ZRANB3: variants seen among roughly 807,000 people sequenced by gnomAD.
The protein encoded by ZRANB3 is DNA annealing helicase and endonuclease ZRANB3.
Under a neutral mutation model 133.8 loss-of-function variants are expected in ZRANB3, and 125 were observed. The ratio of observed to expected loss-of-function variants is 0.93; its 90% CI spans 0.81 to 1.08. The LOEUF is 1.08. Ranked by LOEUF, ZRANB3 falls within the 50% of genes least tolerant of loss-of-function variation. ZRANB3 has a pLI of 0.00. For synonymous variants in ZRANB3, 387 were observed against 432.7 expected, an observed-to-expected ratio of 0.89 and a Z score of 1.31; for missense variants, 1,229 against 1,275.5, an observed-to-expected ratio of 0.96 and a Z score of 0.56.
At chr2:135,287,670 C>CTTTTTTTTTTTTTTTTT (rs59739293) in intron 8 of ZRANB3, among the ~76,000 whole-genome samples, 1 of 98,054 alleles carries the variant, frequency 1.0e-5, no homozygotes, top group African/African-American at 4.4e-5. Context: ...TATTTCTTTC[C>CTTTTTTTTTTTTTTTTT]TTTTTTTTTT....
intron 8 of ZRANB3, among the ~76,000 whole-genome samples, chr2:135,305,622 T>C (rs1682643484): frequency 6.6e-6 from 1 of 152,196 alleles, no homozygotes; most frequent in African/African-American, 2.4e-5. Context: ...CTTTCTGTAG[T>C]AGTAACATTT....
rs147710097 is a variant in ZRANB3 at position 135,500,557 on chromosome 2, A to G, written c.161+3772T>C. 1.3e-4 allele frequency among the ~76,000 whole-genome samples: 20 copies of G among 152,246 alleles called. No homozygotes were observed. In the East Asian group the frequency reaches 3.1e-3, roughly 23 times the overall value. On this transcript the variant is annotated intron_variant, in intron 2 of 20. Transcript: ENST00000264159. ...ATAATATAGTTGAACAGGCAAAAGC[A>G]ATCTATAACGTTAGAAGTCAGGATA...
intron 6 of ZRANB3, among the ~76,000 whole-genome samples, chr2:135,328,009 G>C (rs1309207345): frequency 6.6e-6 from 1 of 151,870 alleles, no homozygotes; most frequent in Non-Finnish European, 1.5e-5. Context: ...TGTCTAGAGG[G>C]AAAGTTACGA....
Position 135,414,909 on chromosome 2 carries a change from G to C in ZRANB3, c.162-24089C>G, listed in dbSNP as rs1367642882. 2.6e-5 allele frequency among the ~76,000 whole-genome samples: 4 copies of C among 151,900 alleles called. No homozygotes were observed. The East Asian group carries it at 5.8e-4, about 22-fold the overall frequency. The stretch of plus-strand genomic sequence containing the variant: ...TAAAGATGTTCTTTGAAACCAACGG[G>C]AACAAAGACACAACATACCAGAATC... On this transcript the variant is annotated intron_variant, in intron 2 of 20. Coordinates refer to ENST00000264159, the MANE Select transcript of ZRANB3 (RefSeq NM_032143.4).
At chr2:135,284,692 C>G (rs1014349986) in intron 8 of ZRANB3, among the ~76,000 whole-genome samples, 1 of 152,012 alleles carries the variant, frequency 6.6e-6, no homozygotes, top group African/African-American at 2.4e-5. Context: ...AGGATAGTCT[C>G]GATCTCTTGA....
chr2:135,329,512 T>C (rs1004888296), intron 6 of ZRANB3, among the ~76,000 whole-genome samples: 36 of 152,230 alleles, frequency 2.4e-4, no homozygotes, highest in African/African-American at 8.2e-4. Flanking sequence ...AGCTTTGTTC[T>C]TTTTGCTTAG....
At chr2:135,266,637 CG>C (rs1477909525) in intron 11 of ZRANB3, among the ~76,000 whole-genome samples, 6 of 151,990 alleles carry the variant, frequency 3.9e-5, no homozygotes, top group Non-Finnish European at 8.8e-5. Flanking sequence ...TGGTGGCGGG[CG>C]CCTGTAGTCC....
chr2:135,262,283 C>T (rs922956892), intron 12 of ZRANB3, among the ~76,000 whole-genome samples: 4 of 150,868 alleles, frequency 2.7e-5, no homozygotes, highest in African/African-American at 9.8e-5. Context: ...AAAAATTGTA[C>T]TAGACCTCCA....
chr2:135,314,915 A>G (rs1304224390), intron 7 of ZRANB3, among the ~76,000 whole-genome samples: 5 of 151,652 alleles, frequency 3.3e-5, no homozygotes, highest in Admixed American at 1.3e-4. Flanking sequence ...ACACTCAACT[A>G]ATTTTTGTAT....
Position 135,345,547 on chromosome 2 carries a change from T to G in ZRANB3, c.677+3A>C. ...AAAATTTACGGAAAATAGTTTAACT[T>G]ACCTGATGTGTGCATTACAGTATCT... On this transcript the variant is annotated splice_donor_region_variant and intron_variant, in intron 6 of 20. Transcript: ENST00000264159. The G allele has an allele frequency of 6.2e-7, 1 of 1,601,790 alleles. No individual in the cohort carries two copies. Among genetic ancestry groups the G allele is most frequent in the Non-Finnish European group, 8.5e-7 (1 of 1,174,698 alleles).
chr2:135,322,338 T>A (rs575764773), intron 6 of ZRANB3, among the ~76,000 whole-genome samples: 53 of 152,328 alleles, frequency 3.5e-4, no homozygotes, highest in African/African-American at 1.3e-3. Context: ...AAATTTTAGA[T>A]TTAAAATGTC....
chr2:135,485,882 CTTA>C (rs1203595252), intron 2 of ZRANB3, among the ~76,000 whole-genome samples: 1 of 152,160 alleles, frequency 6.6e-6, no homozygotes, highest in Non-Finnish European at 1.5e-5. Context: ...ACATTTTCTT[CTTA>C]TATCTCCTCA....
chr2:135,366,745 G>A (rs539754319), intron 3 of ZRANB3, among the ~76,000 whole-genome samples: 182 of 152,250 alleles, frequency 1.2e-3, no homozygotes, highest in African/African-American at 3.9e-3. Context: ...TAGGCCGGGC[G>A]TGGTGGCTCA....
At chr2:135,504,966 T>G (rs1693108861) in intron 1 of ZRANB3, among the ~76,000 whole-genome samples, 1 of 151,886 alleles carries the variant, frequency 6.6e-6, no homozygotes, top group Non-Finnish European at 1.5e-5. Flanking sequence ...TACAAAGACA[T>G]TAACTCCAAA....
chr2:135,259,372 C>T (rs1335859675), intron 12 of ZRANB3, among the ~76,000 whole-genome samples: 1 of 151,878 alleles, frequency 6.6e-6, no homozygotes, highest in African/African-American at 2.4e-5. Context: ...CTCCTAACTA[C>T]ATACAATCTT....
At position 135,464,843 on chromosome 2, in the gene ZRANB3, G is replaced by C. The variant is rs372966537; in HGVS notation, c.161+39486C>G. Among the ~76,000 whole-genome samples the C allele has an allele frequency of 4.8e-4, 73 of 152,278 alleles. 2 individuals are homozygous for C. In the South Asian group the frequency reaches 0.015, roughly 31 times the overall value. ...ATAGCTAACAAGAGTTGCTGAATGG[G>C]ACTTTGTTTAGATGTGTTGGGACAC... On this transcript the variant is annotated intron_variant, in intron 2 of 20. Coordinates refer to ENST00000264159, the MANE Select transcript of ZRANB3 (RefSeq NM_032143.4).
At chr2:135,288,906 G>A (rs1573837806) in intron 8 of ZRANB3, among the ~76,000 whole-genome samples, 1 of 149,878 alleles carries the variant, frequency 6.7e-6, no homozygotes, top group South Asian at 2.1e-4. Flanking sequence ...GTGTGTGTGT[G>A]TGTTGTTTCA....
At chr2:135,323,385 A>C (rs1683639103) in intron 6 of ZRANB3, among the ~76,000 whole-genome samples, 2 of 152,212 alleles carry the variant, frequency 1.3e-5, no homozygotes, top group Non-Finnish European at 2.9e-5. Flanking sequence ...TGTTAACATA[A>C]CAGAGGGAGA....
intron 12 of ZRANB3, among the ~76,000 whole-genome samples, chr2:135,251,253 T>C (rs771709816): frequency 1.3e-5 from 2 of 152,196 alleles, no homozygotes; most frequent in Non-Finnish European, 2.9e-5. Context: ...TGTACCCCCA[T>C]TGTATCTAGG....
Sources: gnomAD v4.1 joint callset for allele counts (sites outside exome capture counted in the v4.1 genomes callset) on GRCh38, gnomAD v4.1.1 for gene constraint, MANE v1.5 for transcripts, NCBI Gene and HGNC (gene_info 2026-07-23, HGNC 2026-07-21) for gene names.